The following FARP1 variants were observed in gnomAD, a reference collection of about 807,000 sequenced individuals.
The protein encoded by FARP1 is FERM, ARHGEF and pleckstrin domain-containing protein 1.
Under a neutral mutation model 128.8 loss-of-function variants are expected in FARP1, and 52 were observed. That is an observed-to-expected ratio of 0.40 (90% CI 0.32 to 0.51). The LOEUF is 0.51. Ranked by LOEUF, FARP1 falls within the 20% of genes least tolerant of loss-of-function variation. The pLI is 0.45. For missense variants in FARP1, 1,333 were observed against 1,367.9 expected, an observed-to-expected ratio of 0.97 and a Z score of 0.40; for synonymous variants, 580 against 551.8, an observed-to-expected ratio of 1.05 and a Z score of -0.72.
At chr13:98,310,092 T>C (rs552194901) in intron 2 of FARP1, among the ~76,000 whole-genome samples, 4 of 151,272 alleles carry the variant, frequency 2.6e-5, no homozygotes, top group Admixed American at 1.3e-4. Context: ...TTTTTTTTTT[T>C]CCCATAATAG....
At chr13:98,287,626 T>C (rs566637914) in intron 2 of FARP1, among the ~76,000 whole-genome samples, 34 of 152,242 alleles carry the variant, frequency 2.2e-4, no homozygotes, top group Middle Eastern at 3.4e-3. Flanking sequence ...CTACCTGTTA[T>C]TTAAAAGCAC....
At chr13:98,394,311 G>A (rs1472465469) in intron 12 of FARP1, among the ~76,000 whole-genome samples, 1 of 152,186 alleles carries the variant, frequency 6.6e-6, no homozygotes, top group East Asian at 1.9e-4. Context: ...AGAATATAAA[G>A]GAGGTTTCAT....
chr13:98,248,116 T>A (rs879515015), intron 2 of FARP1, among the ~76,000 whole-genome samples: 10 of 152,012 alleles, frequency 6.6e-5, no homozygotes, highest in Admixed American at 1.3e-4. Flanking sequence ...ATGGGTGCAA[T>A]CCCGTCCAGC....
At chr13:98,189,782 G>T (rs185600481) in intron 1 of FARP1, among the ~76,000 whole-genome samples, 2 of 152,326 alleles carry the variant, frequency 1.3e-5, no homozygotes, top group Admixed American at 1.3e-4. Context: ...TCCCAGGAAA[G>T]ATTTCAGTTA....
chr13:98,248,405 T>G (rs1359330544), intron 2 of FARP1, among the ~76,000 whole-genome samples: 2 of 152,172 alleles, frequency 1.3e-5, no homozygotes, highest in Non-Finnish European at 2.9e-5. Flanking sequence ...CAAGGTATTT[T>G]CCTGTGGCCA....
At chr13:98,246,087 CTTTTTTTTTTTT>C (rs56274534) in intron 2 of FARP1, among the ~76,000 whole-genome samples, 11 of 36,912 alleles carry the variant, frequency 3.0e-4, no homozygotes, top group African/African-American at 1.2e-3. Context: ...GAGATAAATT[CTTTTTTTTTTTT>C]TTTTTTTTTT....
chr13:98,323,298 AGGT>A (rs1487547527), intron 2 of FARP1, among the ~76,000 whole-genome samples: 3 of 151,942 alleles, frequency 2.0e-5, no homozygotes, highest in Non-Finnish European at 4.4e-5. Context: ...ATATTTAAGC[AGGT>A]GTGCCCAGGT....
chr13:98,383,870 T>A (rs1183947259), intron 6 of FARP1: 1 of 152,230 alleles, frequency 6.6e-6, no homozygotes, highest in Non-Finnish European at 1.5e-5. Flanking sequence ...TGCAATCTGA[T>A]CTGTTATTTC....
intron 6 of FARP1, among the ~76,000 whole-genome samples, chr13:98,379,869 T>G (rs1390970489): frequency 6.6e-6 from 1 of 152,210 alleles, no homozygotes; most frequent in South Asian, 2.1e-4. Flanking sequence ...TCCATGAATA[T>G]GGAACCCACA....
At chr13:98,344,798 G>T (rs1200177155) in intron 3 of FARP1, among the ~76,000 whole-genome samples, 5 of 152,122 alleles carry the variant, frequency 3.3e-5, no homozygotes, top group Non-Finnish European at 7.4e-5. Flanking sequence ...AACAAGTTGT[G>T]TTTTCTCAAT....
chr13:98,346,870 T>C (rs932626949), intron 3 of FARP1, among the ~76,000 whole-genome samples: 10 of 152,204 alleles, frequency 6.6e-5, no homozygotes, highest in Non-Finnish European at 1.3e-4. Context: ...TGGATGCTGG[T>C]TCCGTGGATA....
intron 2 of FARP1, among the ~76,000 whole-genome samples, chr13:98,267,013 CAAAAA>C (rs368229193): frequency 2.0e-4 from 13 of 64,332 alleles, no homozygotes; most frequent in East Asian, 5.1e-4. Context: ...ACTCCCATCT[CAAAAA>C]AAAAAAAAAA....
At chr13:98,224,266 G>C (rs1201970555) in intron 2 of FARP1, among the ~76,000 whole-genome samples, 1 of 152,116 alleles carries the variant, frequency 6.6e-6, no homozygotes, top group Non-Finnish European at 1.5e-5. Context: ...GGTGGCTCAT[G>C]CCTGTAATCC....
intron 16 of FARP1, among the ~76,000 whole-genome samples, chr13:98,412,999 T>C (rs1473855583): frequency 6.6e-6 from 1 of 152,212 alleles, no homozygotes; most frequent in Admixed American, 6.5e-5. Flanking sequence ...AGGAGCCCTA[T>C]GTGAGGTTGT....
At chr13:98,385,528 G>T in intron 7 of FARP1, 139 bp from the exon 8 acceptor site, 2 of 842,360 alleles carry the variant, frequency 2.4e-6, no homozygotes, top group Non-Finnish European at 3.8e-6. Flanking sequence ...ATGGGAGATT[G>T]GGTGTCATCT....
At chr13:98,432,205 A>G (rs1594530226) in intron 18 of FARP1, 1 of 152,278 alleles carries the variant, frequency 6.6e-6, no homozygotes, top group Non-Finnish European at 1.5e-5. Context: ...CTGCCCTTCT[A>G]TCTCATGGAC....
chr13:98,317,311 G>T (rs1886763498), intron 2 of FARP1, among the ~76,000 whole-genome samples: 1 of 152,198 alleles, frequency 6.6e-6, no homozygotes, highest in African/African-American at 2.4e-5. Flanking sequence ...CCAGGCTGGG[G>T]TGCAGTGGTA....
At chr13:98,189,636 G>A (rs1297644201) in intron 1 of FARP1, among the ~76,000 whole-genome samples, 1 of 152,182 alleles carries the variant, frequency 6.6e-6, no homozygotes, top group Non-Finnish European at 1.5e-5. Flanking sequence ...ATACGTATTC[G>A]AGAGGGAGAA....
intron 5 of FARP1, among the ~76,000 whole-genome samples, chr13:98,377,023 A>G (rs1204328790): frequency 2.6e-5 from 4 of 152,094 alleles, no homozygotes; most frequent in Non-Finnish European, 5.9e-5. Flanking sequence ...AAAGAAATGA[A>G]TGGGTGCAGT....
Sources: allele counts gnomAD v4.1 joint callset (sites outside exome capture counted in the v4.1 genomes callset), GRCh38; gene constraint gnomAD v4.1.1; transcripts MANE v1.5; gene names NCBI Gene and HGNC (gene_info 2026-07-23, HGNC 2026-07-21).